The following MFN1 variants were observed in gnomAD, a reference collection of about 807,000 sequenced individuals.
MFN1 encodes mitofusin-1.
MFN1 carries 65 observed loss-of-function variants against 92.4 expected under a neutral mutation model. The ratio of observed to expected loss-of-function variants is 0.70; its 90% CI spans 0.58 to 0.86. MFN1 has a LOEUF of 0.86. Among genes scored for constraint, MFN1 ranks in the 40% least tolerant of loss-of-function variants. The pLI is 0.00. For synonymous variants in MFN1, 297 were observed against 300.9 expected (o/e 0.99, Z 0.13); for missense variants, 781 against 868.0 (o/e 0.90, Z 1.26).
Position 179,352,010 on chromosome 3 carries a change from C to A in MFN1, c.223C>A (p.His75Asn). The A allele has an allele frequency of 6.3e-7, 1 of 1,596,922 alleles. No individual in the cohort carries two copies. Among genetic ancestry groups the A allele is most frequent in the Non-Finnish European group, 8.6e-7 (1 of 1,168,274 alleles). ...SIIGEVLSRR[H>N]MKVAFFGRTS... is the part of the protein sequence containing the mutation. ...CATTGGTGAGGTGCTATCTCGGAGA[C>A]ACATGAAGGTGGCATTTTTTGGCAG... The change falls in exon 3 of 18, where the codon CAC (histidine) becomes AAC (asparagine). Residue 75 changes from histidine to asparagine, a missense_variant. His to Asn is a moderately conservative substitution (Grantham distance 68). Coordinates refer to ENST00000471841, the MANE Select transcript of MFN1 (RefSeq NM_033540.3).
intron 17 of MFN1, among the ~76,000 whole-genome samples, chr3:179,391,388 TC>T (rs2108563398): frequency 6.6e-6 from 1 of 152,248 alleles, no homozygotes; most frequent in South Asian, 2.1e-4. Context: ...ATTTGGAATT[TC>T]CATTTTTTAC....
chr3:179,390,826 G>A (rs763800211), intron 17 of MFN1, among the ~76,000 whole-genome samples: 13 of 152,158 alleles, frequency 8.5e-5, no homozygotes, highest in Non-Finnish European at 1.9e-4. Context: ...AATTGCCTGT[G>A]TAAGAACAGC....
At chr3:179,352,098 A>C in intron 3 of MFN1, 63 bp downstream of exon 3, 1 of 1,489,244 alleles carries the variant, frequency 6.7e-7, no homozygotes, top group Non-Finnish European at 9.1e-7. Context: ...CTGATGTTTC[A>C]ACAAGTAATA....
At chr3:179,376,630 A>G (rs1358831842) in intron 10 of MFN1, among the ~76,000 whole-genome samples, 2 of 152,226 alleles carry the variant, frequency 1.3e-5, no homozygotes, top group African/African-American at 2.4e-5. Flanking sequence ...AAAAGCAGCC[A>G]TAGATAGATA....
At chr3:179,375,171 A>G (rs1237388187) in intron 9 of MFN1, 49 bp from the exon 10 acceptor site, 1 of 1,497,704 alleles carries the variant, frequency 6.7e-7, no homozygotes, top group Non-Finnish European at 8.9e-7. Flanking sequence ...ATTCCTGAAA[A>G]TGTTGCGATG....
intron 9 of MFN1, among the ~76,000 whole-genome samples, chr3:179,368,851 T>C (rs1026723345): frequency 2.0e-5 from 3 of 152,220 alleles, no homozygotes; most frequent in African/African-American, 7.2e-5. Flanking sequence ...CACAGTGACT[T>C]CAGCATTGAA....
chr3:179,358,297 C>T lies in MFN1; in HGVS notation c.249-543C>T, dbSNP rs533493847. 5.3e-5 allele frequency among the ~76,000 whole-genome samples: 8 copies of T among 151,494 alleles called. No individual in the cohort carries two copies. The South Asian group carries it at 1.0e-3, about 20-fold the overall frequency. On this transcript the variant is annotated intron_variant, in intron 3 of 17. Coordinates refer to ENST00000471841, the MANE Select transcript of MFN1 (RefSeq NM_033540.3). ...TCCTGAGTAGCTGGGATTACAGGGGCCCCCCCACCACACCTGGCTAATTTT... is the reference window on the plus strand; with the variant it reads ...TCCTGAGTAGCTGGGATTACAGGGGTCCCCCCACCACACCTGGCTAATTTT...
intron 10 of MFN1, 157 bp from the exon 11 acceptor site, chr3:179,376,884 TA>T: frequency 1.7e-6 from 1 of 601,368 alleles, no homozygotes; most frequent in Non-Finnish European, 2.7e-6. Flanking sequence ...TAAAATACTT[TA>T]TAAGTGAAAT....
intron 16 of MFN1, among the ~76,000 whole-genome samples, chr3:179,386,875 A>T (rs897679848): frequency 1.3e-5 from 2 of 152,130 alleles, no homozygotes; most frequent in Non-Finnish European, 2.9e-5. Context: ...ATTGGTAGAT[A>T]GGAACTCTCA....
intron 14 of MFN1, among the ~76,000 whole-genome samples, chr3:179,384,900 C>CTTTTTTTTTTTT (rs35563595): frequency 2.4e-5 from 2 of 84,632 alleles, no homozygotes; most frequent in African/African-American, 4.9e-5. Flanking sequence ...TTTTGAAGTC[C>CTTTTTTTTTTTT]TTTTTTTTTT....
At chr3:179,371,966 T>TA (rs1394764991) in intron 9 of MFN1, among the ~76,000 whole-genome samples, 5 of 150,460 alleles carry the variant, frequency 3.3e-5, no homozygotes, top group Non-Finnish European at 7.4e-5. Context: ...TAAGTATATA[T>TA]AAAAATATAT....
At chr3:179,385,793 A>T (rs1204879422) in intron 15 of MFN1, 72 bp downstream of exon 15, 53 of 1,421,846 alleles carry the variant, frequency 3.7e-5, no homozygotes, top group Non-Finnish European at 5.0e-5. Context: ...CACAAAAGAA[A>T]AGGTATACAG....
intron 7 of MFN1, among the ~76,000 whole-genome samples, chr3:179,366,760 G>T (rs1336423868): frequency 6.6e-6 from 1 of 151,858 alleles, no homozygotes; most frequent in Non-Finnish European, 1.5e-5. Flanking sequence ...ATTTATTTTT[G>T]CAAGTCTTAA....
intron 15 of MFN1, 43 bp from the exon 16 acceptor site, chr3:179,386,390 G>T: frequency 6.7e-7 from 1 of 1,494,244 alleles, no homozygotes; most frequent in Non-Finnish European, 9.2e-7. Flanking sequence ...TCTCCAAAGT[G>T]GTGTTTTTCC....
At chr3:179,378,520 G>T in intron 13 of MFN1, 65 bp from the exon 14 acceptor site, 1 of 1,524,528 alleles carries the variant, frequency 6.6e-7, no homozygotes, top group South Asian at 1.2e-5. Flanking sequence ...TTTCCTTTAG[G>T]CATTCCATTG....
chr3:179,375,351 C>A lies in MFN1; in HGVS notation c.1097+10C>A, dbSNP rs369221031. ...CAGCTGAAGATAAAAGGTATGAGTTCATTTTGTTGCAACATAAAAATGTTA... is the reference window on the plus strand; with the variant it reads ...CAGCTGAAGATAAAAGGTATGAGTTAATTTTGTTGCAACATAAAAATGTTA... On this transcript the variant is annotated intron_variant, in intron 10 of 17. Coordinates refer to ENST00000471841, the MANE Select transcript of MFN1 (RefSeq NM_033540.3). 5.0e-6 allele frequency: 8 copies of A among 1,608,360 alleles called. No homozygotes were observed. The African/African-American group carries it at 6.7e-5, about 13-fold the overall frequency.
intron 14 of MFN1, among the ~76,000 whole-genome samples, chr3:179,379,510 C>T (rs988197037): frequency 2.0e-5 from 3 of 152,122 alleles, no homozygotes; most frequent in Admixed American, 6.6e-5. Context: ...CCCACCACCA[C>T]ACCCAGCTAA....
At chr3:179,368,133 A>G in intron 9 of MFN1, 30 bp downstream of exon 9, 1 of 1,484,076 alleles carries the variant, frequency 6.7e-7, no homozygotes, top group Non-Finnish European at 9.1e-7. Context: ...ATTGCCTAAT[A>G]CAAAACTCTT....
intron 12 of MFN1, 34 bp downstream of exon 12, chr3:179,377,482 C>T (rs1447887365): frequency 3.8e-6 from 5 of 1,319,086 alleles, no homozygotes; most frequent in Non-Finnish European, 5.4e-6. Flanking sequence ...TATTCAGAGA[C>T]AGTTTCTTAT....
Sources: gnomAD v4.1 joint callset for allele counts (sites outside exome capture counted in the v4.1 genomes callset) on GRCh38, gnomAD v4.1.1 for gene constraint, MANE v1.5 for transcripts, NCBI Gene and HGNC (gene_info 2026-07-23, HGNC 2026-07-21) for gene names.